Variants in ZNF440 observed in about 807,000 individuals in gnomAD.
The protein encoded by ZNF440 is zinc finger protein 440.
ZNF440 carries 47 observed loss-of-function variants against 49.7 expected under a neutral mutation model. The ratio of observed to expected loss-of-function variants is 0.95; its 90% confidence interval spans 0.75 to 1.21. The LOEUF (loss-of-function observed/expected upper bound fraction) is 1.21. Among genes scored for constraint, ZNF440 ranks in the 50% most tolerant of loss-of-function variants. The pLI is 0.00. For synonymous variants in ZNF440, 255 were observed against 237.7 expected (o/e 1.07, Z -0.67); for missense variants, 703 against 715.0 (o/e 0.98, Z 0.19).
intron 1 of ZNF440, among the ~76,000 whole-genome samples, chr19:11,815,612 A>G (rs951976265): frequency 1.3e-5 from 2 of 152,112 alleles, no homozygotes; most frequent in African/African-American, 2.4e-5. Flanking sequence ...GTTAACAATT[A>G]AAGAGTTTAG....
chr19:11,825,824 T>TTC (rs1400492364), intron 1 of ZNF440, among the ~76,000 whole-genome samples: 11 of 149,686 alleles, frequency 7.3e-5, no homozygotes, highest in Non-Finnish European at 1.2e-4. Context: ...TTTCTTTTTT[T>TTC]TTTTTTTTGA....
intron 1 of ZNF440, chr19:11,817,750 C>T (rs909880234): frequency 1.4e-4 from 21 of 151,744 alleles, no homozygotes; most frequent in African/African-American, 5.1e-4. Context: ...AGTGGAGGAA[C>T]GTACTGTCTA....
At chr19:11,823,891 G>A (rs989024969) in intron 1 of ZNF440, among the ~76,000 whole-genome samples, 1 of 152,104 alleles carries the variant, frequency 6.6e-6, no homozygotes, top group African/African-American at 2.4e-5. Context: ...GAACCTGGGA[G>A]TCCAAGGTTG....
chr19:11,814,445 GA>G lies in ZNF440; in HGVS notation c.1del. On this transcript the variant is annotated 5_prime_UTR_variant, in exon 1 of 4. Coordinates refer to ENST00000304060, the MANE Select transcript of ZNF440 (RefSeq NM_152357.3). ...GACGCCGGAACACCCTGGAAGCCGA[GA>G]AATGGTGTGTGTGAGGGGGCTGGCG... 1 of 1,554,846 alleles carries G rather than the reference GA, an allele frequency of 6.4e-7. No homozygotes were observed. The highest frequency in any genetic ancestry group is 8.7e-7 in the Non-Finnish European group (1 of 1,151,516).
chr19:11,824,002 G>A (rs185362234), intron 1 of ZNF440, among the ~76,000 whole-genome samples: 157 of 150,610 alleles, frequency 1.0e-3, no homozygotes, highest in African/African-American at 3.3e-3. Context: ...TTCCAGTGTC[G>A]GCAACATGGC....
chr19:11,830,234 A>G (rs1599295922), intron 1 of ZNF440, 49 bp from the exon 2 acceptor site: 2 of 1,611,704 alleles, frequency 1.2e-6, no homozygotes, highest in African/African-American at 1.3e-5. Flanking sequence ...CTAGGCCCCC[A>G]GTGCTGTCAC....
chr19:11,823,728 C>A (rs144283212), intron 1 of ZNF440, among the ~76,000 whole-genome samples: 27 of 152,088 alleles, frequency 1.8e-4, no homozygotes, highest in Non-Finnish European at 2.6e-4. Context: ...TTTGGGAGGC[C>A]GAGGTGGGTG....
chr19:11,821,322 T>C (rs1281998715), intron 1 of ZNF440, among the ~76,000 whole-genome samples: 1 of 152,160 alleles, frequency 6.6e-6, no homozygotes, highest in Non-Finnish European at 1.5e-5. Context: ...GAATGCCTTG[T>C]GATGGAAGGA....
intron 1 of ZNF440, among the ~76,000 whole-genome samples, chr19:11,829,024 G>T (rs1320749763): frequency 6.6e-6 from 1 of 152,088 alleles, no homozygotes; most frequent in Non-Finnish European, 1.5e-5. Flanking sequence ...CCCATTTTAT[G>T]TATATGCTTA....
intron 1 of ZNF440, among the ~76,000 whole-genome samples, chr19:11,828,414 A>C (rs1333927319): frequency 5.3e-5 from 8 of 152,048 alleles, no homozygotes; most frequent in Non-Finnish European, 7.4e-5. Context: ...CAAACTGCTG[A>C]CCTCAAGTGA....
At chr19:11,819,540 A>G (rs1599289316) in intron 1 of ZNF440, among the ~76,000 whole-genome samples, 1 of 152,280 alleles carries the variant, frequency 6.6e-6, no homozygotes, top group East Asian at 1.9e-4. Context: ...CTGGGATTAC[A>G]GGTGCGTACC....
chr19:11,819,321 G>A (rs1975770864), intron 1 of ZNF440, among the ~76,000 whole-genome samples: 1 of 152,142 alleles, frequency 6.6e-6, no homozygotes, highest in Non-Finnish European at 1.5e-5. Context: ...TGTGTGTCAG[G>A]TGACTCAACT....
At chr19:11,831,226 C>T in intron 3 of ZNF440, 142 bp from the exon 4 acceptor site, 1 of 1,151,824 alleles carries the variant, frequency 8.7e-7, no homozygotes, top group Non-Finnish European at 1.2e-6. Flanking sequence ...AATATGTTGT[C>T]CAGTCACCTT....
At chr19:11,816,432 C>T (rs1228514147) in intron 1 of ZNF440, 4 of 152,140 alleles carry the variant, frequency 2.6e-5, no homozygotes, top group African/African-American at 9.7e-5. Flanking sequence ...CTTGTTGCCA[C>T]AAGGAGTCTG....
Position 11,831,350 on chromosome 19 carries a change from G to A in ZNF440, c.192-18G>A. The A allele has an allele frequency of 6.3e-7, 1 of 1,596,132 alleles. No individual in the cohort carries two copies. The highest frequency in any genetic ancestry group is 8.5e-7 in the Non-Finnish European group (1 of 1,175,706). On this transcript the variant is annotated intron_variant, in intron 3 of 3. Transcript: ENST00000304060. ...CTTATAAACAAACCCTTCATAATAT[G>A]CTTCTCATTTTTGACAGGAGTCTCA...
intron 1 of ZNF440, among the ~76,000 whole-genome samples, chr19:11,818,742 A>G (rs1334932210): frequency 1.3e-5 from 2 of 151,946 alleles, no homozygotes; most frequent in Non-Finnish European, 2.9e-5. Context: ...GTCCCAATAC[A>G]TTGCTCAGGC....
intron 1 of ZNF440, 121 bp from the exon 2 acceptor site, chr19:11,830,162 A>T: frequency 6.6e-7 from 1 of 1,523,646 alleles, no homozygotes; most frequent in Non-Finnish European, 8.8e-7. Context: ...AGATCTGATG[A>T]CCAAAGCAGG....
chr19:11,831,581 G>A lies in ZNF440; in HGVS notation c.405G>A (p.Glu135=), dbSNP rs1407976898. Residue 135 remains glutamate (E), a synonymous_variant, in exon 4 of 4, where the codon GAG becomes GAA. Coordinates refer to ENST00000304060, the MANE Select transcript of ZNF440 (RefSeq NM_152357.3). ...IRGDIGHKAY[E]YQEYGPKPCK... ...GTGACATTGGACACAAGGCATATGA[G>A]TATCAGGAATATGGACCAAAGCCAT... 6 of 1,614,098 alleles carry A rather than the reference G, an allele frequency of 3.7e-6. No individual in the cohort carries two copies. Among genetic ancestry groups the A allele is most frequent in the East Asian group, 4.5e-5 (2 of 44,874 alleles).
rs1975989747 is a variant in ZNF440, at chr19:11,834,153, A to T, written c.*1189A>T. 3.5e-6 allele frequency: 1 copy of T among 289,556 alleles called. No individual in the cohort carries two copies. The highest frequency in any genetic ancestry group is 2.2e-5 in the African/African-American group (1 of 45,256). 17.9% of individuals were successfully genotyped at this position (289,556 alleles called of 1,614,324 possible). ...TCTTTTTTTTTTTCCCCCAGAAAGA[A>T]TCTCACTCTGTCACCCAGGCTGGAG... On this transcript the variant is annotated 3_prime_UTR_variant, in exon 4 of 4. Coordinates refer to ENST00000304060, the MANE Select transcript of ZNF440 (RefSeq NM_152357.3).
Sources: allele counts gnomAD v4.1 joint callset (sites outside exome capture counted in the v4.1 genomes callset), GRCh38; gene constraint gnomAD v4.1.1; transcripts MANE v1.5; gene names NCBI Gene and HGNC (gene_info 2026-07-23, HGNC 2026-07-21).